Variants in MACROD2 observed in about 807,000 individuals in gnomAD.
The protein encoded by MACROD2 is ADP-ribose glycohydrolase MACROD2.
A neutral mutation model predicts 70.4 loss-of-function variants in MACROD2; 36 were observed. That is an observed-to-expected ratio of 0.51 (90% CI 0.39 to 0.68). The LOEUF (loss-of-function observed/expected upper bound fraction) is 0.68. MACROD2 is among the 30% of genes least tolerant of loss of function. The probability of loss-of-function intolerance (pLI) is 0.00; values close to 1 mark genes in which losing one functional copy is unlikely to be tolerated. For missense variants in MACROD2, 496 were observed against 538.4 expected, an observed-to-expected ratio of 0.92 and a Z score of 0.78; for synonymous variants, 172 against 178.8, an observed-to-expected ratio of 0.96 and a Z score of 0.30.
chr20:14,730,053 C>A (rs2071576776), intron 5 of MACROD2, among the ~76,000 whole-genome samples: 1 of 151,882 alleles, frequency 6.6e-6, no homozygotes, highest in African/African-American at 2.4e-5. Context: ...CAATTAAGAC[C>A]TGGCAAACTA....
At chr20:15,537,569 G>T (rs974257603) in intron 8 of MACROD2, among the ~76,000 whole-genome samples, 1 of 149,300 alleles carries the variant, frequency 6.7e-6, no homozygotes, top group Non-Finnish European at 1.5e-5. Flanking sequence ...CACCTCCCAG[G>T]TTCAAGCAAT....
At chr20:14,484,668 A>C (rs948064670) in intron 3 of MACROD2, among the ~76,000 whole-genome samples, 5 of 152,158 alleles carry the variant, frequency 3.3e-5, no homozygotes, top group African/African-American at 1.2e-4. Flanking sequence ...TTTAGCTCCC[A>C]CAAATAAGTG....
At chr20:14,695,718 TC>T (rs1171820811) in intron 5 of MACROD2, among the ~76,000 whole-genome samples, 1 of 152,186 alleles carries the variant, frequency 6.6e-6, no homozygotes, top group East Asian at 1.9e-4. Context: ...CACAGCCACA[TC>T]AGTGAGCTTG....
At chr20:14,083,292 G>A (rs2054025583) in intron 2 of MACROD2, among the ~76,000 whole-genome samples, 1 of 151,846 alleles carries the variant, frequency 6.6e-6, no homozygotes, top group Non-Finnish European at 1.5e-5. Context: ...GCGTGGTGGT[G>A]GGTGCCTGTA....
At chr20:15,239,104 T>G (rs1319350086) in intron 6 of MACROD2, among the ~76,000 whole-genome samples, 1 of 152,126 alleles carries the variant, frequency 6.6e-6, no homozygotes, top group Non-Finnish European at 1.5e-5. Context: ...TTGGGCAATT[T>G]TGGCATATAT....
At chr20:16,001,576 A>T (rs374531441) in intron 15 of MACROD2, among the ~76,000 whole-genome samples, 19 of 152,236 alleles carry the variant, frequency 1.2e-4, no homozygotes, top group African/African-American at 4.6e-4. Context: ...AGATGTTGTC[A>T]TAGTTTATTA....
At chr20:14,905,874 A>T (rs1600801221) in intron 5 of MACROD2, 1 of 152,264 alleles carries the variant, frequency 6.6e-6, no homozygotes, top group East Asian at 1.9e-4. Flanking sequence ...CTATGGTGAG[A>T]TTCTTTCCTG....
chr20:14,128,996 G>C (rs980451313), intron 3 of MACROD2, among the ~76,000 whole-genome samples: 2 of 152,140 alleles, frequency 1.3e-5, no homozygotes, highest in Non-Finnish European at 2.9e-5. Flanking sequence ...TGTACAAAGA[G>C]CAGTCATGTT....
chr20:15,673,863 C>T (rs558826544), intron 8 of MACROD2, among the ~76,000 whole-genome samples: 12 of 151,652 alleles, frequency 7.9e-5, no homozygotes, highest in South Asian at 4.2e-4. Flanking sequence ...AAATGTTCCA[C>T]GTCTGCCCTG....
At chr20:15,961,186 A>G (rs776501002) in intron 12 of MACROD2, among the ~76,000 whole-genome samples, 1 of 152,134 alleles carries the variant, frequency 6.6e-6, no homozygotes, top group South Asian at 2.1e-4. Context: ...CAGAAAAAGT[A>G]AGCACATGGG....
chr20:14,655,784 C>G (rs554548940), intron 4 of MACROD2, among the ~76,000 whole-genome samples: 2 of 152,254 alleles, frequency 1.3e-5, no homozygotes, highest in African/African-American at 4.8e-5. Context: ...CAGTAAAACT[C>G]TATGGACCTA....
intron 5 of MACROD2, among the ~76,000 whole-genome samples, chr20:15,058,168 A>G (rs1296786525): frequency 6.6e-6 from 1 of 152,128 alleles, no homozygotes; most frequent in East Asian, 1.9e-4. Flanking sequence ...CTCCTCCATT[A>G]GCTTGAAAAC....
At chr20:13,999,282 C>T (rs192366720) in intron 1 of MACROD2, among the ~76,000 whole-genome samples, 15 of 152,274 alleles carry the variant, frequency 9.9e-5, no homozygotes, top group Admixed American at 5.9e-4. Context: ...TAGGGCTTCA[C>T]GTGAACTTGG....
intron 5 of MACROD2, among the ~76,000 whole-genome samples, chr20:15,206,726 T>TTTTTTTTTTTTTTTTTTTG (rs2076708881): frequency 4.9e-5 from 3 of 61,674 alleles, no homozygotes; most frequent in African/African-American, 9.8e-5. Flanking sequence ...TCTATGTTTT[T>TTTTTTTTTTTTTTTTTTTG]TTTTTTTTTT....
chr20:14,356,458 C>G (rs1467572623), intron 3 of MACROD2, among the ~76,000 whole-genome samples: 1 of 148,680 alleles, frequency 6.7e-6, no homozygotes, highest in East Asian at 2.0e-4. Flanking sequence ...CACAGGGCAT[C>G]AACTGAGATG....
rs1195145813 is a variant in MACROD2, at chr20:15,874,036, G to A, written c.727+11210G>A. Among the ~76,000 whole-genome samples, 4 of 151,752 alleles carry A rather than the reference G, an allele frequency of 2.6e-5. No individual in the cohort carries two copies. In the South Asian group the frequency reaches 6.2e-4, roughly 24 times the overall value. ...CCCGTCAACTTGTCATTTACCTTAG[G>A]TATTTCTCCTAACGCTATCCCTCCC... is the stretch of plus-strand genomic sequence containing the variant. On this transcript the variant is annotated intron_variant, in intron 9 of 17. Coordinates refer to ENST00000684519, the MANE Select transcript of MACROD2 (RefSeq NM_001351661.2).
intron 4 of MACROD2, among the ~76,000 whole-genome samples, chr20:14,590,218 C>A (rs4141732): frequency 0.11 from 16,657 of 152,076 alleles, 1,294 homozygotes; most frequent in South Asian, 0.33. Flanking sequence ...GCTGGATAAA[C>A]ACATATGAAC....
chr20:15,445,897 C>T (rs1451938798), intron 7 of MACROD2, among the ~76,000 whole-genome samples: 2 of 152,116 alleles, frequency 1.3e-5, no homozygotes, highest in Non-Finnish European at 2.9e-5. Context: ...GGGGAGAGGT[C>T]TGGGAATCAG....
At chr20:14,622,355 A>G (rs1250904629) in intron 4 of MACROD2, among the ~76,000 whole-genome samples, 1 of 152,020 alleles carries the variant, frequency 6.6e-6, no homozygotes, top group Non-Finnish European at 1.5e-5. Context: ...ATGATTGCAC[A>G]CCTTTTTAAA....
Sources: gnomAD v4.1 joint callset for allele counts (sites outside exome capture counted in the v4.1 genomes callset) on GRCh38, gnomAD v4.1.1 for gene constraint, MANE v1.5 for transcripts, NCBI Gene and HGNC (gene_info 2026-07-23, HGNC 2026-07-21) for gene names.